GRM4: variants seen among roughly 807,000 people sequenced by gnomAD.
GRM4 encodes metabotropic glutamate receptor 4.
A neutral mutation model predicts 81.7 loss-of-function variants in GRM4; 28 were observed. The observed-to-expected ratio is 0.34, with a 90% CI of 0.25 to 0.47. The LOEUF is 0.47. Ranked by LOEUF, GRM4 falls within the 20% of genes least tolerant of loss-of-function variation. The pLI, the probability that GRM4 is intolerant of heterozygous loss-of-function variation, is 1.00. For missense variants in GRM4, 948 were observed against 1,290.0 expected (o/e 0.73, Z 4.06); for synonymous variants, 488 against 528.8 (o/e 0.92, Z 1.06).
chr6:34,104,554 G>T (rs906038283), intron 2 of GRM4, among the ~76,000 whole-genome samples: 2 of 152,188 alleles, frequency 1.3e-5, no homozygotes, highest in East Asian at 1.9e-4. Flanking sequence ...AAGTGGCAAA[G>T]TGAGATTTGA....
At chr6:34,091,086 T>C (rs1768183442) in intron 3 of GRM4, among the ~76,000 whole-genome samples, 1 of 152,160 alleles carries the variant, frequency 6.6e-6, no homozygotes, top group Admixed American at 6.5e-5. Context: ...GGCTGCCTGC[T>C]GCCCCAAGAT....
intron 3 of GRM4, among the ~76,000 whole-genome samples, chr6:34,075,126 C>T (rs1030839009): frequency 6.6e-6 from 1 of 151,820 alleles, no homozygotes; most frequent in Non-Finnish European, 1.5e-5. Flanking sequence ...GGGGCTGTGG[C>T]GAGCAGGGCC....
At chr6:34,145,400 T>C (rs1770885112) in intron 1 of GRM4, among the ~76,000 whole-genome samples, 1 of 151,870 alleles carries the variant, frequency 6.6e-6, no homozygotes, top group African/African-American at 2.4e-5. Flanking sequence ...GAGCCCGGCG[T>C]CCGAGCCGGA....
At chr6:34,065,427 A>G (rs1766407168) in intron 3 of GRM4, among the ~76,000 whole-genome samples, 1 of 152,184 alleles carries the variant, frequency 6.6e-6, no homozygotes, top group South Asian at 2.1e-4. Flanking sequence ...ATCAAATGAA[A>G]GCCCACAAAG....
Position 34,133,187 on chromosome 6 carries a change from G to A in GRM4, c.310C>T (p.Arg104Cys), listed in dbSNP as rs367998394. Residue 104 changes from arginine (R) to cysteine (C), a missense_variant, in exon 2 of 11, where the codon CGC becomes TGC. By Grantham distance (180) the Arg-to-Cys change is radical. Transcript: ENST00000538487. This position sits in a 1 kb window ranked among gnomAD's most constrained non-coding sequence, Gnocchi z 6.5. ...DLLPNITLGARILDTCSRDTH... is the reference protein window; with the variant it reads ...DLLPNITLGACILDTCSRDTH... ...TCCCTGGAGCAGGTGTCCAGAATGCGGGCGCCCAGCGTGATGTTAGGCAGC... is the reference window on the plus strand; with the variant it reads ...TCCCTGGAGCAGGTGTCCAGAATGCAGGCGCCCAGCGTGATGTTAGGCAGC... 6.5e-5 allele frequency: 105 copies of A among 1,613,752 alleles called. No homozygotes were observed. Among genetic ancestry groups the A allele is most frequent in the Non-Finnish European group, 8.5e-5 (100 of 1,179,824 alleles).
chr6:34,044,155 TACACATACAC>T (rs1264438181), intron 6 of GRM4, among the ~76,000 whole-genome samples: 1 of 133,666 alleles, frequency 7.5e-6, no homozygotes, highest in African/African-American at 3.2e-5. Context: ...TACACATATA[TACACATACAC>T]ACACATATAC....
Position 34,061,882 on chromosome 6 carries a change from C to A in GRM4, c.872+11G>T. 6.2e-7 allele frequency: 1 copy of A among 1,607,126 alleles called. No individual in the cohort carries two copies. Among genetic ancestry groups the A allele is most frequent in the Non-Finnish European group, 8.5e-7 (1 of 1,174,650 alleles). ...GCTCCCGGTGCCCACCCTGCTGCCA[C>A]CTGCCCTCACCTGATGTCATCCTCG... On this transcript the variant is annotated intron_variant, in intron 4 of 10. Transcript: ENST00000538487.
rs371301795 is a variant in GRM4, at chr6:34,068,157, CG to C, written c.737-6130del. Among the ~76,000 whole-genome samples the C allele has an allele frequency of 1.3e-5, 2 of 152,020 alleles. No homozygotes were observed. Among genetic ancestry groups the C allele is most frequent in the Non-Finnish European group, 2.9e-5 (2 of 67,992 alleles). On this transcript the variant is annotated intron_variant, in intron 3 of 10. Coordinates refer to ENST00000538487, the MANE Select transcript of GRM4 (RefSeq NM_000841.4). The surrounding 1 kb of genome is among the most constrained non-coding windows in gnomAD (Gnocchi z 4.2). ...AGCAGCATGACGTGCTGGAGGGAGACGGGGGGGCTGCATCCCCTCAGCCCAC... is the reference window on the plus strand; with the variant it reads ...AGCAGCATGACGTGCTGGAGGGAGACGGGGGGCTGCATCCCCTCAGCCCAC...
At chr6:34,145,837 C>T (rs1321498609) in intron 1 of GRM4, among the ~76,000 whole-genome samples, 163 bp downstream of exon 1, 1 of 152,190 alleles carries the variant, frequency 6.6e-6, no homozygotes, top group Non-Finnish European at 1.5e-5. Flanking sequence ...GAGCCCACCC[C>T]CTACCCCACA....
chr6:34,126,282 G>A (rs55662524), intron 2 of GRM4, among the ~76,000 whole-genome samples: 2,576 of 152,306 alleles, frequency 0.017, 57 homozygotes, highest in African/African-American at 0.057. Context: ...GCAAAATAGG[G>A]ATAACAACTG....
chr6:34,083,817 C>T (rs1767738101), intron 3 of GRM4, among the ~76,000 whole-genome samples: 1 of 152,318 alleles, frequency 6.6e-6, no homozygotes, highest in East Asian at 1.9e-4. Flanking sequence ...CCCCTGCCTG[C>T]TTCTACCCAC....
At chr6:34,040,910 G>A (rs540528286) in intron 6 of GRM4, among the ~76,000 whole-genome samples, 162 bp from the exon 7 acceptor site, 134 of 152,334 alleles carry the variant, frequency 8.8e-4, no homozygotes, top group Non-Finnish European at 1.0e-3. Flanking sequence ...TCACCCAGGA[G>A]ATGGCCCTGT....
rs1366082478 is a variant in GRM4 at position 34,035,508 on chromosome 6, T to G, written c.2442+160A>C. On this transcript the variant is annotated intron_variant, in intron 9 of 10. Transcript: ENST00000538487. The surrounding 1 kb of genome is among the most constrained non-coding windows in gnomAD (Gnocchi z 6.6). ...CTTGCAGCTGGGAGAGAAGGCAGAA[T>G]GAGGCATGAAAGAAGGCAGAATGAG... Among the ~76,000 whole-genome samples, 2 of 151,022 alleles carry G rather than the reference T, an allele frequency of 1.3e-5. No individual in the cohort carries two copies. Among genetic ancestry groups the G allele is most frequent in the Non-Finnish European group, 3.0e-5 (2 of 67,794 alleles).
rs954771432 is a variant in GRM4, at chr6:34,034,589, C to T, written c.2442+1079G>A. Among the ~76,000 whole-genome samples the T allele has an allele frequency of 3.9e-5, 6 of 152,254 alleles. No homozygotes were observed. Among genetic ancestry groups the T allele is most frequent in the Admixed American group, 6.5e-5 (1 of 15,290 alleles). Reference sequence around the variant, plus strand: ...ATTGCCACCATCTGGCCTGTCACCTCTCTGATCTCGTTCCCCACTCCTCTG... The same window carrying T: ...ATTGCCACCATCTGGCCTGTCACCTTTCTGATCTCGTTCCCCACTCCTCTG... On this transcript the variant is annotated intron_variant, in intron 9 of 10. Coordinates refer to ENST00000538487, the MANE Select transcript of GRM4 (RefSeq NM_000841.4). This position sits in a 1 kb window ranked among gnomAD's most constrained non-coding sequence, Gnocchi z 4.0.
At chr6:34,077,983 C>A (rs1353393923) in intron 3 of GRM4, among the ~76,000 whole-genome samples, 1 of 152,158 alleles carries the variant, frequency 6.6e-6, no homozygotes, top group African/African-American at 2.4e-5. Context: ...CACACACTGC[C>A]AGGCACAGAG....
Position 34,118,996 on chromosome 6 carries a change from T to C in GRM4, c.519+13982A>G, listed in dbSNP as rs574525492. On this transcript the variant is annotated intron_variant, in intron 2 of 10. Transcript: ENST00000538487. Reference sequence around the variant, plus strand: ...AACTTCCAGTAGGTTCTCTGCCTCATTTCTTTTAGGAGCAGAGATTTGTTT... The same window carrying C: ...AACTTCCAGTAGGTTCTCTGCCTCACTTCTTTTAGGAGCAGAGATTTGTTT... 9.2e-5 allele frequency among the ~76,000 whole-genome samples: 14 copies of C among 152,366 alleles called. No individual in the cohort carries two copies. The South Asian group carries it at 2.5e-3, about 27-fold the overall frequency.
In GRM4 at chr6:34,089,594, G is replaced by A. The variant is rs903652375; in HGVS notation, c.736+2289C>T. 3.9e-5 allele frequency among the ~76,000 whole-genome samples: 6 copies of A among 152,096 alleles called. No homozygotes were observed. The highest frequency in any genetic ancestry group is 6.5e-5 in the Admixed American group (1 of 15,270). ...CTCAGATGGTGCATGGGGTGTGGCA[G>A]GTATTGTGAGGGGCGCCTCTGCCAG... On this transcript the variant is annotated intron_variant, in intron 3 of 10. Coordinates refer to ENST00000538487, the MANE Select transcript of GRM4 (RefSeq NM_000841.4). This position sits in a 1 kb window ranked among gnomAD's most constrained non-coding sequence, Gnocchi z 4.3.
chr6:34,026,407 C>G (rs1451358623), intron 10 of GRM4, among the ~76,000 whole-genome samples: 1 of 152,086 alleles, frequency 6.6e-6, no homozygotes, highest in Non-Finnish European at 1.5e-5. Flanking sequence ...CTCCCCACTT[C>G]CCTACCATGG....
At chr6:34,104,648 T>G (rs965205194) in intron 2 of GRM4, among the ~76,000 whole-genome samples, 3 of 152,120 alleles carry the variant, frequency 2.0e-5, no homozygotes, top group Non-Finnish European at 2.9e-5. Context: ...ATTCCCAGCC[T>G]CCTGCCCTTT....
Sources: allele counts gnomAD v4.1 joint callset (sites outside exome capture counted in the v4.1 genomes callset), GRCh38; gene constraint gnomAD v4.1.1; non-coding constraint Gnocchi (gnomAD v3.1); transcripts MANE v1.5; gene names NCBI Gene and HGNC (gene_info 2026-07-23, HGNC 2026-07-21).